The following EML3 variants were observed in gnomAD, a reference collection of about 807,000 sequenced individuals.
The protein encoded by EML3 is EMAP like 3.
Under a neutral mutation model 106.7 loss-of-function variants are expected in EML3, and 53 were observed. The observed-to-expected ratio is 0.50, with a 90% CI of 0.40 to 0.62. The LOEUF (loss-of-function observed/expected upper bound fraction) is 0.62, where lower values mean the gene tolerates loss of function less well. Ranked by LOEUF, EML3 falls within the 20% of genes least tolerant of loss-of-function variation. The pLI, the probability that EML3 is intolerant of heterozygous loss-of-function variation, is 0.00. For synonymous variants in EML3, 499 were observed against 489.6 expected, an observed-to-expected ratio of 1.02 and a Z score of -0.25; for missense variants, 994 against 1,209.1, an observed-to-expected ratio of 0.82 and a Z score of 2.64.
Position 62,612,496 on chromosome 11 carries a change from G to C in EML3, c.-39C>G. 1.4e-6 allele frequency: 2 copies of C among 1,395,414 alleles called. No individual in the cohort carries two copies. Among genetic ancestry groups the C allele is most frequent in the Middle Eastern group, 2.6e-4 (1 of 3,868 alleles). The allele number at this position is 1,395,414 out of a possible 1,614,324, so 86.4% of individuals were successfully genotyped here. ...TGCTCCGAGCGGCGGCGGCGGAGGA[G>C]GCGTCTAAGCCGCGGGGGCCACGGC... On this transcript the variant is annotated 5_prime_UTR_variant, in exon 1 of 22. Coordinates refer to ENST00000394773, the MANE Select transcript of EML3 (RefSeq NM_153265.3).
At chr11:62,610,825 A>T in intron 4 of EML3, 54 bp downstream of exon 4, 2 of 1,481,794 alleles carry the variant, frequency 1.3e-6, no homozygotes, top group Admixed American at 3.9e-5. Context: ...AGGGATATGG[A>T]AAGTCGAGAG....
At chr11:62,609,205 C>T (rs1640081720) in intron 6 of EML3, 73 bp from the exon 7 acceptor site, 1 of 1,596,414 alleles carries the variant, frequency 6.3e-7, no homozygotes. Context: ...AAAGACAGAG[C>T]TTCTGGCTGG....
Position 62,608,542 on chromosome 11 carries a change from C to T in EML3, c.1110G>A (p.Ala370=), listed in dbSNP as rs753859884. The T allele has an allele frequency of 3.1e-6, 5 of 1,613,304 alleles. No homozygotes were observed. The highest frequency in any genetic ancestry group is 2.2e-5 in the East Asian group (1 of 44,884). ...RGVGALAFSA[A]DQGAFLCVVD... is the part of the protein sequence containing the mutation. ...TCTAGAGGCTTCAGGGCCAGCTCAC[C>T]GCAGCTGAAAAGGCCAGGGCCCCAA... The change falls in exon 9 of 22, where the codon GCG becomes GCA. Residue 370 remains alanine (A), a splice_region_variant and synonymous_variant. Transcript: ENST00000394773.
rs565327736 is a variant in EML3 at position 62,610,189 on chromosome 11, G to A, written c.567-493C>T. On this transcript the variant is annotated intron_variant, in intron 4 of 21. Transcript: ENST00000394773. ...GGAGTCGAGAATGTACACCAGCTCC[G>A]CCTCTCAGGGATCCGGGAGGCAAGC... Among the ~76,000 whole-genome samples, 54 of 152,318 alleles carry A rather than the reference G, an allele frequency of 3.5e-4. No homozygotes were observed. In the South Asian group the frequency reaches 9.5e-3, roughly 27 times the overall value.
chr11:62,612,468 G>C lies in EML3; in HGVS notation c.-11C>G. The C allele has an allele frequency of 1.4e-6, 2 of 1,434,084 alleles. No homozygotes were observed. The highest frequency in any genetic ancestry group is 9.1e-7 in the Non-Finnish European group (1 of 1,100,724). The allele number at this position is 1,434,084 out of a possible 1,614,324, so 88.8% of individuals were successfully genotyped here. On this transcript the variant is annotated 5_prime_UTR_variant, in exon 1 of 22. Coordinates refer to ENST00000394773, the MANE Select transcript of EML3 (RefSeq NM_153265.3). ...CGCGGCCCCGTCCATCCGGCCCCCG[G>C]GTTGCTCCGAGCGGCGGCGGCGGAG...
intron 4 of EML3, 106 bp from the exon 5 acceptor site, chr11:62,609,802 C>A (rs1942723129): frequency 3.1e-6 from 3 of 960,014 alleles, no homozygotes; most frequent in African/African-American, 3.3e-5. Context: ...ACAGTCACTT[C>A]TGCAAGCCTG....
At position 62,603,138 on chromosome 11, in the gene EML3, C is replaced by T. The variant is rs997630807; in HGVS notation, c.2356+11G>A. 6.2e-7 allele frequency: 1 copy of T among 1,613,406 alleles called. No individual in the cohort carries two copies. Among genetic ancestry groups the T allele is most frequent in the Non-Finnish European group, 8.5e-7 (1 of 1,179,590 alleles). ...CCCACCCTTCCAGCAGGTTTCCACG[C>T]CCCTGCTCACCGTAGACGTGAAAGC... On this transcript the variant is annotated intron_variant, in intron 20 of 21. Coordinates refer to ENST00000394773, the MANE Select transcript of EML3 (RefSeq NM_153265.3).
At chr11:62,603,117 C>A (rs1334114684) in intron 20 of EML3, 32 bp downstream of exon 20, 2 of 1,611,734 alleles carry the variant, frequency 1.2e-6, no homozygotes, top group African/African-American at 2.7e-5. Flanking sequence ...TTGTCCCCCA[C>A]CCTTCCAGCA....
intron 12 of EML3, among the ~76,000 whole-genome samples, chr11:62,606,619 GGC>G (rs1441524820): frequency 2.0e-5 from 3 of 152,226 alleles, no homozygotes. Flanking sequence ...CACTTTGGGA[GGC>G]CAAGGCGGGC....
At position 62,610,908 on chromosome 11, in the gene EML3, G is replaced by T. The variant is rs1942778977; in HGVS notation, c.537C>A (p.Asn179Lys). ...CTGTGCTCCCGGACCGCACTAACAG[G>T]TTGGCGGAGGAGATTGCCTTCCTGG... ...KLSRKAISSA[N>K]LLVRSGSTES... Residue 179 changes from asparagine (N) to lysine (K), a missense_variant, in exon 4 of 22, where the codon AAC becomes AAA. Physicochemically the swap from Asn to Lys is moderately conservative, Grantham distance 94. Transcript: ENST00000394773. 1 of 1,612,838 alleles carries T rather than the reference G, an allele frequency of 6.2e-7. No individual in the cohort carries two copies. Among genetic ancestry groups the T allele is most frequent in the Non-Finnish European group, 8.5e-7 (1 of 1,179,660 alleles).
At position 62,609,471 on chromosome 11, in the gene EML3, A is replaced by G. The variant is rs1456114134; in HGVS notation, c.641T>C (p.Ile214Thr). 6.4e-7 allele frequency: 1 copy of G among 1,574,642 alleles called. No individual in the cohort carries two copies. Residue 214 changes from isoleucine (I) to threonine (T), a missense_variant, in exon 6 of 22, where the codon ATC becomes ACC. Physicochemically the swap from Ile to Thr is moderately conservative, Grantham distance 89. Transcript: ENST00000394773. The stretch of plus-strand genomic sequence containing the variant: ...CCCTCGAAGGAACATCTTCACTGAG[A>G]TGCCTTCTACAGAGAAAAGGGGTGG... ...SRRSNYNLEG[I>T]SVKMFLRGRP...
In EML3 at chr11:62,602,407, T is replaced by C. The variant is rs751832830; in HGVS notation, c.*68A>G. ...AGAGTCGGCCCCTAGTCGTGGGGGA[T>C]TGGGCCAGGGAAGGGCAGGGCGGGG... is the stretch of plus-strand genomic sequence containing the variant. On this transcript the variant is annotated 3_prime_UTR_variant, in exon 22 of 22. Transcript: ENST00000394773. 5 of 1,544,626 alleles carry C rather than the reference T, an allele frequency of 3.2e-6. No individual in the cohort carries two copies. The highest frequency in any genetic ancestry group is 2.4e-5 in the South Asian group (2 of 83,886).
At chr11:62,607,866 C>T (rs1942614891) in intron 10 of EML3, 45 bp from the exon 11 acceptor site, 1 of 1,588,952 alleles carries the variant, frequency 6.3e-7, no homozygotes. Flanking sequence ...CCCTGGGTAC[C>T]TTCATTCTAC....
At chr11:62,608,681 G>A (rs1258305690) in intron 8 of EML3, 29 bp from the exon 9 acceptor site, 1 of 1,614,094 alleles carries the variant, frequency 6.2e-7, no homozygotes, top group African/African-American at 1.3e-5. Flanking sequence ...CAAGTGTGAA[G>A]CAAAATTGGA....
chr11:62,612,286 G>T, intron 1 of EML3, 150 bp downstream of exon 1: 1 of 744,522 alleles, frequency 1.3e-6, no homozygotes, highest in Non-Finnish European at 2.1e-6. Flanking sequence ...CAACTAGGGA[G>T]GGCGACCGGA....
Position 62,602,677 on chromosome 11 carries a change from G to A in EML3, c.2489C>T (p.Ala830Val), listed in dbSNP as rs766821851. Residue 830 changes from alanine (A) to valine (V), a missense_variant and splice_region_variant, in exon 22 of 22, where the codon GCG (alanine) becomes GTG (valine). Coordinates refer to ENST00000394773, the MANE Select transcript of EML3 (RefSeq NM_153265.3). ...LFQYPCARAK[A>V]PSRMYGGHGS... ...GTGGCCCCCGTACATGCGGCTCGGC[G>A]CCTGGGCCGGAGGGAAGAGTTGCGG... is the stretch of plus-strand genomic sequence containing the variant. 1 of 1,597,414 alleles carries A rather than the reference G, an allele frequency of 6.3e-7. No individual in the cohort carries two copies.
chr11:62,607,716 C>T lies in EML3; in HGVS notation c.1312G>A (p.Val438Ile), dbSNP rs926843956. ...HVHFWNWSGG[V>I]GVPGNGTLTR... ...AGGGTCCCATTCCCAGGAACCCCTACTCCACCACTCCAATTCCAGAAGTGG... is the reference window on the plus strand; with the variant it reads ...AGGGTCCCATTCCCAGGAACCCCTATTCCACCACTCCAATTCCAGAAGTGG... The change falls in exon 11 of 22, where the codon GTA (valine) becomes ATA (isoleucine). Residue 438 changes from valine (V) to isoleucine (I), a missense_variant. By Grantham distance (29) the Val-to-Ile change is conservative. Coordinates refer to ENST00000394773, the MANE Select transcript of EML3 (RefSeq NM_153265.3). The T allele has an allele frequency of 4.3e-6, 7 of 1,614,102 alleles. No individual in the cohort carries two copies. The highest frequency in any genetic ancestry group is 5.9e-6 in the Non-Finnish European group (7 of 1,180,008).
intron 20 of EML3, 99 bp downstream of exon 20, chr11:62,603,050 C>T: frequency 6.4e-7 from 1 of 1,552,454 alleles, no homozygotes; most frequent in African/African-American, 1.4e-5. Flanking sequence ...CTTCAGGTTT[C>T]TGGACTCTCA....
intron 1 of EML3, 76 bp downstream of exon 1, chr11:62,612,360 C>T: frequency 1.4e-6 from 2 of 1,417,792 alleles, no homozygotes; most frequent in Admixed American, 2.1e-5. Flanking sequence ...CTCCAGACAG[C>T]CGTCCAGCTC....
Sources: gnomAD v4.1 joint callset for allele counts (sites outside exome capture counted in the v4.1 genomes callset) on GRCh38, gnomAD v4.1.1 for gene constraint, MANE v1.5 for transcripts, NCBI Gene and HGNC (gene_info 2026-07-23, HGNC 2026-07-21) for gene names.